Variants in TCF20 observed in about 807,000 individuals in gnomAD.
TCF20 encodes SPRE-binding protein.
A neutral mutation model predicts 148.6 loss-of-function variants in TCF20; 3 were observed. The ratio of observed to expected loss-of-function variants is 0.02; its 90% CI spans 0.01 to 0.05. The LOEUF is 0.05. Among genes scored for constraint, TCF20 ranks in the 10% least tolerant of loss-of-function variants. TCF20 has a pLI of 1.00. For synonymous variants in TCF20, 1,049 were observed against 909.5 expected (o/e 1.15, Z -2.76); for missense variants, 2,350 against 2,429.3 (o/e 0.97, Z 0.69).
chr22:42,302,224 G>A (rs987561033), intron 1 of TCF20, among the ~76,000 whole-genome samples: 2 of 152,138 alleles, frequency 1.3e-5, no homozygotes, highest in Non-Finnish European at 1.5e-5. Context: ...AACTGAGACC[G>A]GGGCTCCCAC....
At chr22:42,260,294 A>C (rs1925960250) in intron 1 of TCF20, among the ~76,000 whole-genome samples, 1 of 152,310 alleles carries the variant, frequency 6.6e-6, no homozygotes, top group South Asian at 2.1e-4. Context: ...TTTCAGAAGG[A>C]GGCAAAGGTT....
At chr22:42,247,301 G>A (rs1247930565) in intron 1 of TCF20, among the ~76,000 whole-genome samples, 2 of 151,774 alleles carry the variant, frequency 1.3e-5, no homozygotes, top group African/African-American at 2.4e-5. Flanking sequence ...TTTGCTTGGC[G>A]TGGTGGCAGG....
intron 1 of TCF20, among the ~76,000 whole-genome samples, chr22:42,225,340 C>G (rs973048499): frequency 2.0e-5 from 3 of 151,762 alleles, no homozygotes; most frequent in African/African-American, 2.4e-5. Context: ...TTAGGCCGGG[C>G]GCGGTGGCTC....
intron 5 of TCF20, among the ~76,000 whole-genome samples, chr22:42,167,495 G>A (rs1477539353): frequency 6.6e-6 from 1 of 152,058 alleles, no homozygotes; most frequent in Admixed American, 6.5e-5. Flanking sequence ...GCCCCATCCT[G>A]TAGCAGCAAG....
intron 2 of TCF20, among the ~76,000 whole-genome samples, chr22:42,198,837 G>A (rs948875908): frequency 6.6e-6 from 1 of 151,818 alleles, no homozygotes; most frequent in Non-Finnish European, 1.5e-5. Flanking sequence ...AATTTTTTTT[G>A]TATTTTTAGT....
chr22:42,271,260 T>A (rs769767622), upstream of TCF20, among the ~76,000 whole-genome samples: 3 of 152,188 alleles, frequency 2.0e-5, no homozygotes, highest in Non-Finnish European at 4.4e-5. Context: ...AGCCTCAGTT[T>A]CCACCGCGGA....
At chr22:42,185,497 G>A (rs1419111523) in intron 2 of TCF20, among the ~76,000 whole-genome samples, 4 of 152,082 alleles carry the variant, frequency 2.6e-5, no homozygotes, top group Non-Finnish European at 4.4e-5. Context: ...GTGGAACAAG[G>A]TATGTGTTCA....
chr22:42,250,275 CA>C lies in TCF20; in HGVS notation c.-37+20063del, dbSNP rs576178906. ...CCAATACGGTGAAATCCTGTCTCTACAAAAATTAATAATACAAAAATTAGCC... is the reference window on the plus strand; with the variant it reads ...CCAATACGGTGAAATCCTGTCTCTACAAAATTAATAATACAAAAATTAGCC... On this transcript the variant is annotated intron_variant, in intron 1 of 5. Coordinates refer to ENST00000677622, the MANE Select transcript of TCF20 (RefSeq NM_001378418.1). Among the ~76,000 whole-genome samples the C allele has an allele frequency of 3.3e-3, 500 of 152,072 alleles. 4 individuals are homozygous for C. Among genetic ancestry groups the C allele is most frequent in the African/African-American group, 0.012 (488 of 41,490 alleles).
At chr22:42,225,273 G>T (rs1237835786) in intron 1 of TCF20, among the ~76,000 whole-genome samples, 1 of 152,028 alleles carries the variant, frequency 6.6e-6, no homozygotes, top group Non-Finnish European at 1.5e-5. Context: ...TGCGATTACA[G>T]GGTGAGCCAC....
rs192384471 is a variant in TCF20, at chr22:42,246,261, C to T, written c.-37+24078G>A. ...CTGGCGTTACAGGCGCATGCCACCA[C>T]GCCCAGCTAACTTTCGTATTTTTGG... On this transcript the variant is annotated intron_variant, in intron 1 of 5. Coordinates refer to ENST00000677622, the MANE Select transcript of TCF20 (RefSeq NM_001378418.1). Among the ~76,000 whole-genome samples, 616 of 152,318 alleles carry T rather than the reference C, an allele frequency of 4.0e-3. 10 individuals are homozygous for T. Among genetic ancestry groups the T allele is most frequent in the Non-Finnish European group, 2.8e-3 (193 of 68,036 alleles).
chr22:42,259,500 T>C (rs762934188), intron 1 of TCF20, among the ~76,000 whole-genome samples: 2 of 152,244 alleles, frequency 1.3e-5, no homozygotes, highest in Non-Finnish European at 2.9e-5. Flanking sequence ...TTCTCCTAAA[T>C]GGCAGATCTG....
chr22:42,334,071 T>C, intron 1 of TCF20, among the ~76,000 whole-genome samples: 1 of 152,148 alleles, frequency 6.6e-6, no homozygotes, highest in East Asian at 1.9e-4. Flanking sequence ...CAGGTGCCCC[T>C]CACACCATGG....
chr22:42,322,454 G>A (rs558469582), intron 1 of TCF20, among the ~76,000 whole-genome samples: 2 of 151,970 alleles, frequency 1.3e-5, no homozygotes, highest in African/African-American at 4.8e-5. Context: ...GAGATCACAC[G>A]TCAGCAGTGA....
At chr22:42,261,784 G>C (rs1343172893) in intron 1 of TCF20, among the ~76,000 whole-genome samples, 1 of 152,202 alleles carries the variant, frequency 6.6e-6, no homozygotes. Context: ...ACGAGGTCAG[G>C]AGTTCAAGAC....
chr22:42,174,035 C>T (rs991567660), intron 3 of TCF20, among the ~76,000 whole-genome samples: 2 of 152,122 alleles, frequency 1.3e-5, no homozygotes, highest in African/African-American at 2.4e-5. Flanking sequence ...GAGGGTCCTG[C>T]GCTTCTCTGC....
At chr22:42,223,474 C>T (rs1163888005) in intron 1 of TCF20, among the ~76,000 whole-genome samples, 1 of 152,200 alleles carries the variant, frequency 6.6e-6, no homozygotes, top group Non-Finnish European at 1.5e-5. Context: ...ATTGCCATGC[C>T]TCACACATGT....
intron 3 of TCF20, among the ~76,000 whole-genome samples, chr22:42,173,197 T>C (rs1366980177): frequency 6.6e-6 from 1 of 151,898 alleles, no homozygotes; most frequent in East Asian, 1.9e-4. Flanking sequence ...CACAGCCTTT[T>C]TTTCTCGTCT....
chr22:42,290,386 G>A lies in TCF20; in HGVS notation c.-37+53093C>T, dbSNP rs1022858910. Among the ~76,000 whole-genome samples, 5 of 152,228 alleles carry A rather than the reference G, an allele frequency of 3.3e-5. No homozygotes were observed. The highest frequency in any genetic ancestry group is 3.2e-3 in the Middle Eastern group (1 of 316). On this transcript the variant is annotated intron_variant, in intron 1 of 1. Coordinates refer to the TCF20 transcript ENST00000515426. This position sits in a 1 kb window ranked among gnomAD's most constrained non-coding sequence, Gnocchi z 4.2. ...CTAGCTAATCCCAGCCAAAACACAC[G>A]GAATGAGAATCGTTCAGAATCTTTC... is the stretch of plus-strand genomic sequence containing the variant.
chr22:42,255,283 G>A (rs1322572796), intron 1 of TCF20, among the ~76,000 whole-genome samples: 1 of 151,952 alleles, frequency 6.6e-6, no homozygotes, highest in Non-Finnish European at 1.5e-5. Context: ...TCAGGAAATC[G>A]AGACCATCTT....
Sources: gnomAD v4.1 joint callset for allele counts (sites outside exome capture counted in the v4.1 genomes callset) on GRCh38, gnomAD v4.1.1 for gene constraint, Gnocchi (gnomAD v3.1) non-coding constraint, MANE v1.5 for transcripts, NCBI Gene and HGNC (gene_info 2026-07-23, HGNC 2026-07-21) for gene names.